The following KCNN2 variants were observed in gnomAD, a reference collection of about 807,000 sequenced individuals.
The protein encoded by KCNN2 is potassium calcium-activated channel subfamily N member 2.
Under a neutral mutation model 55.5 loss-of-function variants are expected in KCNN2, and 24 were observed. The ratio of observed to expected loss-of-function variants is 0.43; its 90% confidence interval spans 0.31 to 0.61. The LOEUF is 0.61. Among genes scored for constraint, KCNN2 ranks in the 20% least tolerant of loss-of-function variants. The pLI is 0.08. For synonymous variants in KCNN2, 431 were observed against 336.1 expected (o/e 1.28, Z -3.09); for missense variants, 754 against 853.6 (o/e 0.88, Z 1.45).
intron 1 of KCNN2, among the ~76,000 whole-genome samples, chr5:114,117,679 T>A (rs1751732589): frequency 6.6e-6 from 1 of 151,552 alleles, no homozygotes; most frequent in Non-Finnish European, 1.5e-5. Context: ...GAGAGGGAGG[T>A]CTTTGAGGAG....
chr5:114,115,801 G>A (rs189420565), intron 1 of KCNN2, among the ~76,000 whole-genome samples: 7 of 151,904 alleles, frequency 4.6e-5, no homozygotes, highest in African/African-American at 1.7e-4. Context: ...CTAGATTTGC[G>A]AGGAATAAGC....
At chr5:114,144,320 T>G (rs973104932) in intron 1 of KCNN2, among the ~76,000 whole-genome samples, 5 of 152,176 alleles carry the variant, frequency 3.3e-5, no homozygotes, top group African/African-American at 1.2e-4. Context: ...GGCCAATTTT[T>G]GATCAATACC....
At chr5:114,249,912 CAT>C (rs1754824910) in intron 2 of KCNN2, among the ~76,000 whole-genome samples, 1 of 152,072 alleles carries the variant, frequency 6.6e-6, no homozygotes, top group African/African-American at 2.4e-5. Context: ...TGTTTAGTTA[CAT>C]GTTATGAGAG....
chr5:114,155,351 A>G (rs922252665), intron 1 of KCNN2, among the ~76,000 whole-genome samples: 4 of 152,146 alleles, frequency 2.6e-5, no homozygotes, highest in Non-Finnish European at 5.9e-5. Flanking sequence ...GTGAACATAC[A>G]TGTGCATCTG....
chr5:114,072,836 GA>G (rs1438395449), intron 1 of KCNN2, among the ~76,000 whole-genome samples: 1 of 152,150 alleles, frequency 6.6e-6, no homozygotes, highest in East Asian at 1.9e-4. Context: ...AGGTAGCTAT[GA>G]ATATTAACAA....
intron 2 of KCNN2, among the ~76,000 whole-genome samples, chr5:114,272,237 G>A (rs111726746): frequency 1.6e-3 from 242 of 151,768 alleles, no homozygotes; most frequent in Non-Finnish European, 2.5e-3. Flanking sequence ...GTGTATATAT[G>A]TGTGTACATA....
chr5:114,160,601 G>T (rs1454304029), intron 1 of KCNN2, among the ~76,000 whole-genome samples: 1 of 152,038 alleles, frequency 6.6e-6, no homozygotes. Flanking sequence ...GTTGACAGTG[G>T]GGTGTTAAAG....
intron 1 of KCNN2, among the ~76,000 whole-genome samples, chr5:114,139,262 G>C (rs1752227742): frequency 6.6e-6 from 1 of 151,866 alleles, no homozygotes; most frequent in Non-Finnish European, 1.5e-5. Context: ...ATAATTTTGT[G>C]GTGTTGTTTT....
At chr5:114,287,603 TG>T (rs1755781152) in intron 2 of KCNN2, among the ~76,000 whole-genome samples, 1 of 83,022 alleles carries the variant, frequency 1.2e-5, no homozygotes, top group Admixed American at 1.5e-4. Context: ...TGTCGGGGGA[TG>T]GGGGGCAAGG....
In KCNN2 at chr5:114,363,225, C is replaced by A; in HGVS notation, c.1086C>A (p.Val362=). The A allele has an allele frequency of 1.2e-6, 2 of 1,612,868 alleles. No individual in the cohort carries two copies. Among genetic ancestry groups the A allele is most frequent in the South Asian group, 2.2e-5 (2 of 91,010 alleles). ...IFGMFGIVVM[V]IETELSWGAY... is the part of the protein sequence containing the mutation. ...GCATGTTCGGCATCGTGGTCATGGT[C>A]ATCGAGACCGAGCTGTCGTGGGGCG... The change falls in exon 1 of 8, where the codon GTC becomes GTA. Residue 362 remains valine (V), a synonymous_variant. Coordinates refer to ENST00000673685, the MANE Select transcript of KCNN2 (RefSeq NM_021614.4).
chr5:114,435,501 T>G (rs926990122), intron 3 of KCNN2, among the ~76,000 whole-genome samples: 1 of 152,172 alleles, frequency 6.6e-6, no homozygotes, highest in Non-Finnish European at 1.5e-5. Context: ...CTTCATAGTA[T>G]TCTATCAGGT....
chr5:114,280,403 A>C (rs916596895), intron 2 of KCNN2, among the ~76,000 whole-genome samples: 2 of 152,176 alleles, frequency 1.3e-5, no homozygotes, highest in African/African-American at 2.4e-5. Flanking sequence ...GGTATTGCCT[A>C]GGTTTTCTTC....
At chr5:114,065,846 G>GTTTTTTTTTTTT (rs56127808) in intron 1 of KCNN2, among the ~76,000 whole-genome samples, 2 of 45,196 alleles carry the variant, frequency 4.4e-5, no homozygotes, top group African/African-American at 1.7e-4. Flanking sequence ...TCCTATGCAG[G>GTTTTTTTTTTTT]TTTTTTTTTT....
chr5:114,312,422 CACACACACACACATATATATATATATAT>C (rs1396772926), intron 2 of KCNN2, among the ~76,000 whole-genome samples: 19 of 49,998 alleles, frequency 3.8e-4, no homozygotes, highest in African/African-American at 1.1e-3. Flanking sequence ...CACACACACA[CACACACACACACATATATATATATATAT>C]ATATATATAT....
At chr5:114,487,930 G>A (rs1747652365) in intron 6 of KCNN2, among the ~76,000 whole-genome samples, 1 of 152,140 alleles carries the variant, frequency 6.6e-6, no homozygotes, top group South Asian at 2.1e-4. Flanking sequence ...CTTTCCTTAT[G>A]AAACCTACGA....
chr5:114,358,868 T>C (rs1255250782), upstream of KCNN2, among the ~76,000 whole-genome samples: 3 of 152,240 alleles, frequency 2.0e-5, no homozygotes, highest in African/African-American at 7.2e-5. Context: ...ACATATAAAC[T>C]TAAAATTTGT....
chr5:114,446,669 C>T (rs929136529), intron 3 of KCNN2, among the ~76,000 whole-genome samples: 1 of 152,148 alleles, frequency 6.6e-6, no homozygotes, highest in African/African-American at 2.4e-5. Context: ...CCATGTCGGC[C>T]AGGCTGGTCT....
At chr5:114,145,874 T>C (rs1300957580) in intron 1 of KCNN2, among the ~76,000 whole-genome samples, 2 of 152,194 alleles carry the variant, frequency 1.3e-5, no homozygotes, top group Non-Finnish European at 2.9e-5. Context: ...TTAGGATGGC[T>C]GACTGGATTG....
chr5:114,307,932 A>G (rs1756317044), intron 2 of KCNN2, among the ~76,000 whole-genome samples: 1 of 151,916 alleles, frequency 6.6e-6, no homozygotes, highest in Non-Finnish European at 1.5e-5. Flanking sequence ...ATTCCTCCCC[A>G]TACCCCAATC....
Sources: allele counts gnomAD v4.1 joint callset (sites outside exome capture counted in the v4.1 genomes callset), GRCh38; gene constraint gnomAD v4.1.1; transcripts MANE v1.5; gene names NCBI Gene and HGNC (gene_info 2026-07-23, HGNC 2026-07-21).